CHD6: variants seen among roughly 807,000 people sequenced by gnomAD.
CHD6 encodes the protein ATP-dependent chromatin remodeler CHD6.
In CHD6, 50 loss-of-function variants were observed where a neutral mutation model predicts 276.9. The observed-to-expected ratio is 0.18, with a 90% CI of 0.14 to 0.23. CHD6 has a LOEUF of 0.23. Among genes scored for constraint, CHD6 ranks in the 10% least tolerant of loss-of-function variants. The pLI is 1.00. For synonymous variants in CHD6, 1,173 were observed against 1,229.3 expected, an observed-to-expected ratio of 0.95 and a Z score of 0.96; for missense variants, 2,564 against 3,365.8, an observed-to-expected ratio of 0.76 and a Z score of 5.89.
intron 17 of CHD6, among the ~76,000 whole-genome samples, chr20:41,472,008 C>T (rs377076679): frequency 2.0e-5 from 3 of 151,866 alleles, no homozygotes; most frequent in African/African-American, 4.8e-5. Flanking sequence ...CCGAGGCGGG[C>T]GGATCACCTG....
At chr20:41,442,387 G>A (rs2145609729) in intron 25 of CHD6, among the ~76,000 whole-genome samples, 1 of 152,312 alleles carries the variant, frequency 6.6e-6, no homozygotes, top group East Asian at 1.9e-4. Flanking sequence ...GGGAGTTCAA[G>A]GCTACAGTGA....
chr20:41,590,219 T>C (rs544144942), intron 1 of CHD6, among the ~76,000 whole-genome samples: 1 of 152,164 alleles, frequency 6.6e-6, no homozygotes. Context: ...GAATTCAAGA[T>C]GGATTAAAGA....
At chr20:41,448,112 A>C (rs1409016009) in intron 23 of CHD6, 141 bp from the exon 24 acceptor site, 1 of 383,584 alleles carries the variant, frequency 2.6e-6, no homozygotes, top group Admixed American at 4.2e-5. Flanking sequence ...GGCACTAGAA[A>C]AACAAAACAT....
intron 4 of CHD6, among the ~76,000 whole-genome samples, chr20:41,513,528 G>A (rs1354413181): frequency 9.9e-5 from 15 of 152,162 alleles, no homozygotes; most frequent in Admixed American, 9.8e-4. Flanking sequence ...TTCTTGAAAT[G>A]CAGGGAGACA....
Position 41,404,886 on chromosome 20 carries a change from G to T in CHD6, c.7855C>A (p.Pro2619Thr), listed in dbSNP as rs1302052740. Residue 2619 changes from proline to threonine, a missense_variant, in exon 37 of 37, where the codon CCT (proline) becomes ACT (threonine). This residue lies in a region of CHD6 where 238 missense variants were observed against 266.0 expected (regional missense o/e 0.89). Transcript: ENST00000373233. ...AACATGGATGGGTAAATGAGTCCAG[G>T]AGATACTCCTGGGATGAGAAATGGG... Reference protein sequence around the residue: ...FNPFLIPGVSPGLIYPSMFLS... With the variant: ...FNPFLIPGVSTGLIYPSMFLS... 1 of 1,614,006 alleles carries T rather than the reference G, an allele frequency of 6.2e-7. No homozygotes were observed. The highest frequency in any genetic ancestry group is 1.7e-5 in the Admixed American group (1 of 60,008).
At chr20:41,462,717 G>C (rs2042830642) in intron 17 of CHD6, among the ~76,000 whole-genome samples, 1 of 152,200 alleles carries the variant, frequency 6.6e-6, no homozygotes, top group Non-Finnish European at 1.5e-5. Flanking sequence ...TAAAGGTACA[G>C]AAATAGATAC....
chr20:41,595,165 C>G (rs2045705218), intron 1 of CHD6, among the ~76,000 whole-genome samples: 1 of 152,166 alleles, frequency 6.6e-6, no homozygotes, highest in African/African-American at 2.4e-5. Context: ...CCCAGACTCT[C>G]AGCAACGCAG....
In CHD6 at chr20:41,452,043, G is replaced by C; in HGVS notation, c.3324-18C>G. ...GGCCCCAGCTGACAGTGGACATACA[G>C]ACAGGTGTTGGAGGGAGAATGGACC... is the stretch of plus-strand genomic sequence containing the variant. On this transcript the variant is annotated intron_variant, in intron 21 of 36. Transcript: ENST00000373233. The surrounding 1 kb of genome is among the most constrained non-coding windows in gnomAD (Gnocchi z 4.2). 1 of 1,607,102 alleles carries C rather than the reference G, an allele frequency of 6.2e-7. No homozygotes were observed. Among genetic ancestry groups the C allele is most frequent in the Non-Finnish European group, 8.5e-7 (1 of 1,174,346 alleles).
chr20:41,470,867 T>C (rs574825085), intron 17 of CHD6, among the ~76,000 whole-genome samples: 2 of 152,372 alleles, frequency 1.3e-5, no homozygotes, highest in Admixed American at 6.5e-5. Flanking sequence ...CCTCTGGCCA[T>C]GAGCTGTTGC....
intron 17 of CHD6, among the ~76,000 whole-genome samples, chr20:41,457,692 C>T (rs1171500770): frequency 3.3e-5 from 5 of 152,328 alleles, no homozygotes; most frequent in Middle Eastern, 3.4e-3. Context: ...CCTGTGCCCC[C>T]GCCCTGCTGT....
chr20:41,452,041 C>T lies in CHD6; in HGVS notation c.3324-16G>A, dbSNP rs759838255. ...CCGGCCCCAGCTGACAGTGGACATA[C>T]AGACAGGTGTTGGAGGGAGAATGGA... On this transcript the variant is annotated splice_polypyrimidine_tract_variant and intron_variant, in intron 21 of 36. Coordinates refer to ENST00000373233, the MANE Select transcript of CHD6 (RefSeq NM_032221.5). The surrounding 1 kb of genome is among the most constrained non-coding windows in gnomAD (Gnocchi z 4.2). The T allele has an allele frequency of 6.2e-7, 1 of 1,608,978 alleles. No homozygotes were observed. The highest frequency in any genetic ancestry group is 1.1e-5 in the South Asian group (1 of 90,792).
chr20:41,555,021 ACCTC>A (rs2045203101), intron 1 of CHD6, among the ~76,000 whole-genome samples: 1 of 135,730 alleles, frequency 7.4e-6, no homozygotes, highest in Non-Finnish European at 1.6e-5. Context: ...TGACCCCCCC[ACCTC>A]CCTCCCGGAC....
intron 3 of CHD6, among the ~76,000 whole-genome samples, chr20:41,532,386 T>C (rs1205350221): frequency 2.0e-5 from 3 of 152,220 alleles, no homozygotes; most frequent in East Asian, 1.9e-4. Flanking sequence ...AATCTGTGCA[T>C]ACTGACGGCT....
intron 27 of CHD6, among the ~76,000 whole-genome samples, chr20:41,436,770 A>G (rs976119820): frequency 6.6e-6 from 1 of 152,204 alleles, no homozygotes; most frequent in African/African-American, 2.4e-5. Flanking sequence ...AAGTTTACAT[A>G]CTGTATGATT....
intron 17 of CHD6, among the ~76,000 whole-genome samples, chr20:41,468,601 T>C (rs915393633): frequency 2.0e-5 from 3 of 152,248 alleles, no homozygotes; most frequent in African/African-American, 7.2e-5. Flanking sequence ...AGATAGTCAC[T>C]GAATAAATGA....
chr20:41,513,691 TA>T (rs1419178357), intron 4 of CHD6, among the ~76,000 whole-genome samples: 1 of 152,198 alleles, frequency 6.6e-6, no homozygotes, highest in East Asian at 1.9e-4. Flanking sequence ...CATCTCTACA[TA>T]CTAATCATAT....
Position 41,452,500 on chromosome 20 carries a change from G to C in CHD6, c.3323+240C>G, listed in dbSNP as rs2048267954. The stretch of plus-strand genomic sequence containing the variant: ...AGTACCAGACAGCAAATTAGGACCA[G>C]AGATTTGTTGTGACAGGCATATGAG... On this transcript the variant is annotated intron_variant, in intron 21 of 36. Transcript: ENST00000373233. This position sits in a 1 kb window ranked among gnomAD's most constrained non-coding sequence, Gnocchi z 4.2. Among the ~76,000 whole-genome samples the C allele has an allele frequency of 6.6e-6, 1 of 152,230 alleles. No homozygotes were observed. The highest frequency in any genetic ancestry group is 1.9e-4 in the East Asian group (1 of 5,192).
intron 23 of CHD6, among the ~76,000 whole-genome samples, chr20:41,448,725 A>G (rs1228177602): frequency 6.6e-6 from 1 of 152,180 alleles, no homozygotes; most frequent in African/African-American, 2.4e-5. Context: ...CAAAGGGGTA[A>G]GGCCTCTGAG....
At position 41,615,077 on chromosome 20, in the gene CHD6, A is replaced by C. The variant is rs140032507; in HGVS notation, c.-24+3263T>G. On this transcript the variant is annotated intron_variant, in intron 1 of 36. Transcript: ENST00000373233. ...ACAGTACGCTTGAGCTTTTAAAAAAAATCTTTAGAGAGAACTACTGGTGAA... is the reference window on the plus strand; with the variant it reads ...ACAGTACGCTTGAGCTTTTAAAAAACATCTTTAGAGAGAACTACTGGTGAA... Among the ~76,000 whole-genome samples the C allele has an allele frequency of 5.6e-3, 849 of 152,344 alleles. 8 individuals are homozygous for C. Among genetic ancestry groups the C allele is most frequent in the Middle Eastern group, 0.024 (7 of 294 alleles).
Sources: gnomAD v4.1 joint callset for allele counts (sites outside exome capture counted in the v4.1 genomes callset) on GRCh38, gnomAD v4.1.1 for gene constraint, gnomAD v4.1.1 regional missense constraint, Gnocchi (gnomAD v3.1) non-coding constraint, MANE v1.5 for transcripts, NCBI Gene and HGNC (gene_info 2026-07-23, HGNC 2026-07-21) for gene names.